Variants in P3H2 observed in about 807,000 individuals in gnomAD.
The protein encoded by P3H2 is leprecan-like 1.
P3H2 carries 80 observed loss-of-function variants against 87.0 expected under a neutral mutation model. The ratio of observed to expected loss-of-function variants is 0.92; its 90% CI spans 0.77 to 1.11. The LOEUF (loss-of-function observed/expected upper bound fraction) is 1.11, where lower values mean the gene tolerates loss of function less well. Among genes scored for constraint, P3H2 ranks in the 50% least tolerant of loss-of-function variants. The probability of loss-of-function intolerance (pLI) is 0.00; values close to 1 mark genes in which losing one functional copy is unlikely to be tolerated. For missense variants in P3H2, 1,001 were observed against 923.9 expected (o/e 1.08, Z -1.08); for synonymous variants, 367 against 359.3 (o/e 1.02, Z -0.24).
At chr3:190,051,697 T>C (rs953363870) in intron 1 of P3H2, among the ~76,000 whole-genome samples, 2 of 152,224 alleles carry the variant, frequency 1.3e-5, no homozygotes, top group Admixed American at 1.3e-4. Context: ...GAACAAACAT[T>C]ACTTTCAAAT....
chr3:189,962,167 T>C (rs1336820595), intron 14 of P3H2, among the ~76,000 whole-genome samples: 3 of 140,648 alleles, frequency 2.1e-5, no homozygotes, highest in Admixed American at 7.0e-5. Flanking sequence ...TCTTCTTTTT[T>C]TTTTTTTTTT....
At chr3:189,988,719 T>C (rs1723783779) in intron 4 of P3H2, among the ~76,000 whole-genome samples, 188 bp downstream of exon 4, 1 of 152,216 alleles carries the variant, frequency 6.6e-6, no homozygotes, top group Non-Finnish European at 1.5e-5. Flanking sequence ...TTAAATTTTG[T>C]ACTTTGCCCA....
chr3:190,058,558 G>T (rs1333021795), intron 1 of P3H2, among the ~76,000 whole-genome samples: 2 of 152,148 alleles, frequency 1.3e-5, no homozygotes, highest in Admixed American at 1.3e-4. Flanking sequence ...AGATGTCCAG[G>T]AATGGAAAGG....
rs931222393 is a variant in P3H2, at chr3:189,963,816, A to G, written c.2034+142T>C. ...CATTGACACAGCTATTTCTACAAAC[A>G]TCTTCACTTACTAGAACATATCTGA... On this transcript the variant is annotated intron_variant, in intron 14 of 14. Transcript: ENST00000319332. The G allele has an allele frequency of 1.6e-5, 13 of 811,990 alleles. 1 individual carries two copies. Among genetic ancestry groups the G allele is most frequent in the Non-Finnish European group, 2.5e-5 (12 of 471,096 alleles). The allele number at this position is 811,990 out of a possible 1,614,324, so 50.3% of individuals were successfully genotyped here.
chr3:189,962,857 G>A (rs1398334795), intron 14 of P3H2, among the ~76,000 whole-genome samples: 2 of 152,154 alleles, frequency 1.3e-5, no homozygotes, highest in Non-Finnish European at 2.9e-5. Context: ...TTCAACTTAG[G>A]AACCTAACAA....
rs891187317 is a variant in P3H2, at chr3:189,969,304, G to A, written c.1893+1512C>T. On this transcript the variant is annotated intron_variant, in intron 13 of 14. Transcript: ENST00000319332. ...CATGTTGATAACATCCACCCCCCAGGTGCAGAACATGAAGCTTTCTGCTCA... is the reference window on the plus strand; with the variant it reads ...CATGTTGATAACATCCACCCCCCAGATGCAGAACATGAAGCTTTCTGCTCA... 3.8e-5 allele frequency: 35 copies of A among 917,088 alleles called. No homozygotes were observed. The African/African-American group carries it at 5.4e-4, about 14-fold the overall frequency. 56.8% of individuals were successfully genotyped at this position (917,088 alleles called of 1,614,324 possible). A position where few individuals can be genotyped will look rare whatever the true frequency, so the allele number is the denominator to read the frequency against.
Position 190,120,682 on chromosome 3 carries a change from A to AGCAGCG in P3H2, c.44_49dup (p.Pro15_Leu16dup), listed in dbSNP as rs769106351. 42 of 1,521,838 alleles carry AGCAGCG rather than the reference A, an allele frequency of 2.8e-5. No homozygotes were observed. Among genetic ancestry groups the AGCAGCG allele is most frequent in the Middle Eastern group, 4.2e-4 (2 of 4,802 alleles). 94.3% of individuals were successfully genotyped at this position (1,521,838 alleles called of 1,614,324 possible). On this transcript the variant is annotated inframe_insertion, in exon 1 of 15. Coordinates refer to ENST00000319332, the MANE Select transcript of P3H2 (RefSeq NM_018192.4). ...GCCGCCCCACAGTGGCGGCGGCAGT[A>AGCAGCG]GCAGCGGCAGCAGCAGCAGCAGCGG...
At chr3:189,986,169 A>C (rs1024026454) in intron 6 of P3H2, among the ~76,000 whole-genome samples, 3 of 152,228 alleles carry the variant, frequency 2.0e-5, no homozygotes, top group African/African-American at 7.2e-5. Context: ...GGAATTTAGG[A>C]AAATAAAACA....
At chr3:190,093,562 G>C (rs1364917488) in intron 1 of P3H2, among the ~76,000 whole-genome samples, 7 of 152,234 alleles carry the variant, frequency 4.6e-5, no homozygotes, top group Non-Finnish European at 8.8e-5. Context: ...TAGCTGGAGA[G>C]TGGATAAAAA....
intron 1 of P3H2, among the ~76,000 whole-genome samples, chr3:190,077,688 G>T (rs1374147654): frequency 6.6e-6 from 1 of 152,146 alleles, no homozygotes; most frequent in African/African-American, 2.4e-5. Flanking sequence ...AAGGATGAAA[G>T]GTTTTGTAAC....
At chr3:190,042,477 A>G (rs1725668417) in intron 1 of P3H2, among the ~76,000 whole-genome samples, 1 of 151,788 alleles carries the variant, frequency 6.6e-6, no homozygotes, top group African/African-American at 2.4e-5. Flanking sequence ...CTGGCCATCT[A>G]TCTCACAGGC....
At chr3:190,104,996 A>G (rs1025018551) in intron 1 of P3H2, among the ~76,000 whole-genome samples, 1 of 152,232 alleles carries the variant, frequency 6.6e-6, no homozygotes, top group Non-Finnish European at 1.5e-5. Context: ...TTCAAAAGGA[A>G]GCTAGAAAAC....
chr3:190,085,988 TA>T (rs1727199421), intron 1 of P3H2, among the ~76,000 whole-genome samples: 1 of 151,586 alleles, frequency 6.6e-6, no homozygotes, highest in East Asian at 1.9e-4. Context: ...CAAAATTTAC[TA>T]AAAGATTTAA....
At chr3:190,015,203 G>A (rs757216763) in intron 1 of P3H2, among the ~76,000 whole-genome samples, 25 of 152,006 alleles carry the variant, frequency 1.6e-4, no homozygotes, top group Non-Finnish European at 2.9e-4. Flanking sequence ...TTGCTGACAC[G>A]AAACCTCACT....
intron 1 of P3H2, among the ~76,000 whole-genome samples, chr3:190,047,991 C>T (rs926960346): frequency 1.3e-5 from 2 of 152,108 alleles, no homozygotes; most frequent in Non-Finnish European, 2.9e-5. Context: ...TTTATGTATA[C>T]AGGTCTTTCT....
At chr3:190,074,358 A>G (rs1726800276) in intron 1 of P3H2, among the ~76,000 whole-genome samples, 1 of 152,078 alleles carries the variant, frequency 6.6e-6, no homozygotes, top group South Asian at 2.1e-4. Flanking sequence ...AAAAATACAA[A>G]AAATTAGCCG....
At chr3:190,040,124 G>A (rs752191713) in intron 1 of P3H2, among the ~76,000 whole-genome samples, 5 of 151,970 alleles carry the variant, frequency 3.3e-5, no homozygotes, top group Non-Finnish European at 5.9e-5. Flanking sequence ...CTCAGTAATT[G>A]GCATCACACA....
Position 189,959,109 on chromosome 3 carries a change from T to C in P3H2, c.2035-1105A>G, listed in dbSNP as rs1722728439. 2.6e-5 allele frequency among the ~76,000 whole-genome samples: 4 copies of C among 152,016 alleles called. No homozygotes were observed. In the South Asian group the frequency reaches 8.3e-4, roughly 32 times the overall value. On this transcript the variant is annotated intron_variant, in intron 14 of 14. Coordinates refer to ENST00000319332, the MANE Select transcript of P3H2 (RefSeq NM_018192.4). ...CTCACATGCTTCTAATGAATCCTAC[T>C]GGCTTATATCTGATTATATCTCTTT...
In P3H2 at chr3:189,983,503, A is replaced by G. The variant is rs368806315; in HGVS notation, c.1230-363T>C. On this transcript the variant is annotated intron_variant, in intron 7 of 14. Coordinates refer to ENST00000319332, the MANE Select transcript of P3H2 (RefSeq NM_018192.4). ...TGGAACATGGAGTGCATCATTGAAC[A>G]ACTGTTGAATTGAAATAAATTATGT... The G allele has an allele frequency of 7.9e-5, 16 of 202,778 alleles. No individual in the cohort carries two copies. In the East Asian group the frequency reaches 8.8e-4, roughly 11 times the overall value. 12.6% of individuals were successfully genotyped at this position (202,778 alleles called of 1,614,324 possible). A position where few individuals can be genotyped will look rare whatever the true frequency, so the allele number is the denominator to read the frequency against.
Sources: gnomAD v4.1 joint callset for allele counts (sites outside exome capture counted in the v4.1 genomes callset) on GRCh38, gnomAD v4.1.1 for gene constraint, MANE v1.5 for transcripts, NCBI Gene and HGNC (gene_info 2026-07-23, HGNC 2026-07-21) for gene names.